CDYL: variants seen among roughly 807,000 people sequenced by gnomAD.
CDYL encodes chromodomain Y-like protein.
In CDYL, 8 loss-of-function variants were observed where a neutral mutation model predicts 47.3. That is an observed-to-expected ratio of 0.17 (90% CI 0.10 to 0.31). CDYL has a LOEUF of 0.31. CDYL is among the 10% of genes least tolerant of loss of function. CDYL has a pLI of 1.00. For synonymous variants in CDYL, 266 were observed against 265.0 expected (o/e 1.00, Z -0.04); for missense variants, 471 against 701.4 (o/e 0.67, Z 3.71).
At chr6:4,797,616 C>T (rs886831980) in intron 1 of CDYL, among the ~76,000 whole-genome samples, 1 of 152,162 alleles carries the variant, frequency 6.6e-6, no homozygotes, top group African/African-American at 2.4e-5. Flanking sequence ...TTACTCTAGA[C>T]CCCTGGCAAC....
At chr6:4,951,280 C>T (rs1197310139) in intron 5 of CDYL, among the ~76,000 whole-genome samples, 2 of 152,038 alleles carry the variant, frequency 1.3e-5, no homozygotes, top group Non-Finnish European at 2.9e-5. Flanking sequence ...GAAGGTTAAC[C>T]GGGCAAGATA....
upstream of CDYL, among the ~76,000 whole-genome samples, chr6:4,773,956 A>C (rs1758377243): frequency 6.6e-6 from 1 of 152,194 alleles, no homozygotes; most frequent in African/African-American, 2.4e-5. This position sits in a 1 kb window ranked among gnomAD's most constrained non-coding sequence, Gnocchi z 4.6. Flanking sequence ...CAATGGGGAA[A>C]ATCGCCTTAC....
intron 2 of CDYL, among the ~76,000 whole-genome samples, chr6:4,724,252 T>G (rs1465704552): frequency 6.6e-6 from 1 of 152,074 alleles, no homozygotes; most frequent in Non-Finnish European, 1.5e-5. Flanking sequence ...TTTCATTATA[T>G]GTTGGCCCGG....
At chr6:4,850,702 C>A (rs984071255) in intron 1 of CDYL, among the ~76,000 whole-genome samples, 1 of 152,054 alleles carries the variant, frequency 6.6e-6, no homozygotes, top group Non-Finnish European at 1.5e-5. Context: ...ATAGTTAGAT[C>A]GTGAAAGCCA....
intron 1 of CDYL, among the ~76,000 whole-genome samples, chr6:4,798,931 G>A (rs62386574): frequency 0.15 from 22,998 of 152,056 alleles, 1,937 homozygotes; most frequent in African/African-American, 0.22. Flanking sequence ...AAAATGTTGC[G>A]TTCATTAGCA....
chr6:4,755,732 T>C (rs1341282137), intron 3 of CDYL, among the ~76,000 whole-genome samples: 3 of 152,198 alleles, frequency 2.0e-5, no homozygotes, highest in African/African-American at 4.8e-5. Flanking sequence ...AACCATCTTA[T>C]AGGTGAGTTT....
At chr6:4,852,967 C>T (rs925468640) in intron 1 of CDYL, among the ~76,000 whole-genome samples, 3 of 151,990 alleles carry the variant, frequency 2.0e-5, no homozygotes, top group Non-Finnish European at 2.9e-5. Flanking sequence ...TATTTTAATT[C>T]TTTGTAGAGA....
intron 3 of CDYL, among the ~76,000 whole-genome samples, chr6:4,748,695 A>T (rs1263806875): frequency 6.6e-6 from 1 of 151,946 alleles, no homozygotes; most frequent in African/African-American, 2.4e-5. Context: ...AAATTTTAGT[A>T]AAAAAAAATA....
chr6:4,752,976 A>T (rs1758020936), intron 3 of CDYL, among the ~76,000 whole-genome samples: 1 of 151,968 alleles, frequency 6.6e-6, no homozygotes, highest in African/African-American at 2.4e-5. Flanking sequence ...GCAGTGCAGC[A>T]GTGTGATCTT....
chr6:4,893,313 C>T (rs896160363), intron 2 of CDYL, among the ~76,000 whole-genome samples: 13 of 152,204 alleles, frequency 8.5e-5, no homozygotes, highest in Admixed American at 3.9e-4. Flanking sequence ...GCACCAGGGC[C>T]GCACGTGGTC....
At chr6:4,932,965 A>G (rs1177255407) in intron 2 of CDYL, among the ~76,000 whole-genome samples, 2 of 152,076 alleles carry the variant, frequency 1.3e-5, no homozygotes, top group Admixed American at 6.6e-5. Flanking sequence ...CATGCTTACG[A>G]GTGGCCTCTC....
rs186279941 is a variant in CDYL at position 4,916,475 on chromosome 6, A to G, written c.692-19040A>G. Among the ~76,000 whole-genome samples the G allele has an allele frequency of 4.6e-3, 704 of 152,384 alleles. 9 individuals are homozygous for G. The highest frequency in any genetic ancestry group is 3.7e-3 in the South Asian group (18 of 4,834). ...TGAAGAGAACTAAAAATAAAGACTG[A>G]GTGAATGTCACAACCACTGAGAACA... On this transcript the variant is annotated intron_variant, in intron 2 of 6. Coordinates refer to ENST00000397588, the MANE Select transcript of CDYL (RefSeq NM_004824.4).
At chr6:4,735,660 G>T (rs1162958746) in intron 3 of CDYL, among the ~76,000 whole-genome samples, 1 of 152,124 alleles carries the variant, frequency 6.6e-6, no homozygotes, top group Admixed American at 6.5e-5. Context: ...CAACTACTCA[G>T]GAGGCTGAGG....
chr6:4,848,337 T>C (rs1331720431), intron 1 of CDYL, among the ~76,000 whole-genome samples: 1 of 152,202 alleles, frequency 6.6e-6, no homozygotes, highest in Non-Finnish European at 1.5e-5. Flanking sequence ...TGGCAAACTT[T>C]TATAGAAATT....
intron 2 of CDYL, among the ~76,000 whole-genome samples, chr6:4,900,959 A>G (rs1757033682): frequency 6.6e-6 from 1 of 150,542 alleles, no homozygotes. Context: ...GCTTGTAAAG[A>G]GAGTGCCTAA....
chr6:4,918,774 T>C (rs1236805167), intron 2 of CDYL, among the ~76,000 whole-genome samples: 3 of 152,228 alleles, frequency 2.0e-5, no homozygotes, highest in Non-Finnish European at 4.4e-5. Flanking sequence ...TTGAAACTGC[T>C]TTATCTCTGT....
At position 4,954,295 on chromosome 6, in the gene CDYL, G is replaced by A; in HGVS notation, c.*239G>A. ...GTCATTATTTTATACTTATATACAC[G>A]CAGGTGTAAAAGTATAAAGGTGAGC... On this transcript the variant is annotated 3_prime_UTR_variant, in exon 7 of 7. Coordinates refer to ENST00000397588, the MANE Select transcript of CDYL (RefSeq NM_004824.4). 2 of 371,810 alleles carry A rather than the reference G, an allele frequency of 5.4e-6. No individual in the cohort carries two copies. The highest frequency in any genetic ancestry group is 9.7e-6 in the Non-Finnish European group (2 of 206,898). 23.0% of individuals were successfully genotyped at this position (371,810 alleles called of 1,614,324 possible). A position where few individuals can be genotyped will look rare whatever the true frequency, so the allele number is the denominator to read the frequency against.
chr6:4,854,022 C>T (rs994382566), intron 1 of CDYL, among the ~76,000 whole-genome samples: 2 of 152,234 alleles, frequency 1.3e-5, no homozygotes, highest in African/African-American at 2.4e-5. Context: ...AGCTCCTGCT[C>T]GTGGTGAGTC....
upstream of CDYL, chr6:4,772,974 C>T: frequency 2.7e-6 from 1 of 372,090 alleles, no homozygotes; most frequent in Non-Finnish European, 5.3e-6. Flanking sequence ...GAAAGGAAGA[C>T]ATGCCTGGTT....
Sources: allele counts gnomAD v4.1 joint callset (sites outside exome capture counted in the v4.1 genomes callset), GRCh38; gene constraint gnomAD v4.1.1; non-coding constraint Gnocchi (gnomAD v3.1); transcripts MANE v1.5; gene names NCBI Gene and HGNC (gene_info 2026-07-23, HGNC 2026-07-21).